TLL1: variants seen among roughly 807,000 people sequenced by gnomAD.
TLL1 encodes tolloid-like protein 1.
In TLL1, 49 loss-of-function variants were observed where a neutral mutation model predicts 128.2. That is an observed-to-expected ratio of 0.38 (90% CI 0.30 to 0.48). The LOEUF is 0.48. Among genes scored for constraint, TLL1 ranks in the 20% least tolerant of loss-of-function variants. The probability of loss-of-function intolerance (pLI) is 0.96; values close to 1 mark genes in which losing one functional copy is unlikely to be tolerated. For synonymous variants in TLL1, 454 were observed against 418.8 expected (o/e 1.08, Z -1.03); for missense variants, 1,123 against 1,242.0 (o/e 0.90, Z 1.44).
intron 9 of TLL1, among the ~76,000 whole-genome samples, chr4:166,027,794 G>T (rs1257914718): frequency 2.0e-5 from 3 of 152,042 alleles, no homozygotes. Context: ...AAATTAAATT[G>T]TTTCATAACA....
In TLL1 at chr4:165,970,677, T is replaced by C. The variant is rs868607392; in HGVS notation, c.170-18704T>C. 8.6e-4 allele frequency among the ~76,000 whole-genome samples: 131 copies of C among 152,220 alleles called. 1 individual carries two copies. The highest frequency in any genetic ancestry group is 3.0e-3 in the African/African-American group (125 of 41,558). ...TCTAAAATAAATAAATAAATTATTA[T>C]TTAGTAATAAATGACACACGATAAT... On this transcript the variant is annotated intron_variant, in intron 1 of 20. Coordinates refer to ENST00000061240, the MANE Select transcript of TLL1 (RefSeq NM_012464.5).
intron 1 of TLL1, among the ~76,000 whole-genome samples, chr4:165,881,515 T>A (rs1730963487): frequency 6.6e-6 from 1 of 152,256 alleles, no homozygotes; most frequent in South Asian, 2.1e-4. Flanking sequence ...CGTTGTGATT[T>A]CTTTGTTGAG....
chr4:165,965,557 G>T (rs892884038), intron 1 of TLL1, among the ~76,000 whole-genome samples: 3 of 152,130 alleles, frequency 2.0e-5, no homozygotes, highest in African/African-American at 7.2e-5. Context: ...TTGAGTCTGA[G>T]AACTAGAAAA....
intron 1 of TLL1, among the ~76,000 whole-genome samples, chr4:165,928,086 T>C (rs564033817): frequency 4.6e-5 from 7 of 152,316 alleles, no homozygotes; most frequent in Admixed American, 3.9e-4. Context: ...AGCCATGCAT[T>C]GTAACTGTAT....
intron 16 of TLL1, among the ~76,000 whole-genome samples, chr4:166,072,390 CT>C (rs1740834614): frequency 6.6e-6 from 1 of 151,854 alleles, no homozygotes; most frequent in African/African-American, 2.4e-5. Flanking sequence ...TTTCCTTCCT[CT>C]TCTTTCTTTT....
intron 9 of TLL1, among the ~76,000 whole-genome samples, chr4:166,035,642 A>G (rs1176389213): frequency 1.3e-5 from 2 of 152,036 alleles, no homozygotes. Context: ...TTTTTTTCCT[A>G]TAACATGATA....
intron 16 of TLL1, 26 bp downstream of exon 16, chr4:166,065,889 G>A (rs1411380681): frequency 1.4e-6 from 2 of 1,424,046 alleles, no homozygotes; most frequent in South Asian, 1.2e-5. Context: ...TGTTGTATGT[G>A]TATATTACAG....
chr4:166,095,776 T>C (rs1741988990), intron 19 of TLL1, among the ~76,000 whole-genome samples: 1 of 152,126 alleles, frequency 6.6e-6, no homozygotes, highest in African/African-American at 2.4e-5. Context: ...ACCTTTCTTA[T>C]TCAGCTTCAT....
At chr4:166,029,282 G>C (rs1051346487) in intron 9 of TLL1, among the ~76,000 whole-genome samples, 4 of 151,656 alleles carry the variant, frequency 2.6e-5, no homozygotes, top group African/African-American at 9.7e-5. Flanking sequence ...TGTATCTTTA[G>C]CCTCTTCCCA....
chr4:166,035,291 A>G (rs1738949675), intron 9 of TLL1, among the ~76,000 whole-genome samples: 1 of 152,192 alleles, frequency 6.6e-6, no homozygotes, highest in Non-Finnish European at 1.5e-5. Context: ...TTCAGAGCAT[A>G]GATGGAATAA....
intron 1 of TLL1, among the ~76,000 whole-genome samples, chr4:165,987,125 G>T (rs1736425235): frequency 6.6e-6 from 1 of 152,010 alleles, no homozygotes; most frequent in African/African-American, 2.4e-5. Context: ...ATTAAAGTTA[G>T]TGAAGCACTG....
chr4:166,091,529 T>C lies in TLL1; in HGVS notation c.2656+188T>C, dbSNP rs2256104. Among the ~76,000 whole-genome samples, 138,717 of 152,116 alleles carry C rather than the reference T, an allele frequency of 0.91. 63,836 individuals carry two copies. The highest frequency in any genetic ancestry group is 1 in the East Asian group (5,154 of 5,170). On this transcript the variant is annotated intron_variant, in intron 19 of 20. Coordinates refer to ENST00000061240, the MANE Select transcript of TLL1 (RefSeq NM_012464.5). Reference sequence around the variant, plus strand: ...CCTAAAGATCTTTGCAGTTGTTGAGTTTTAGGAAAACCCTAGTTTCTGTCT... The same window carrying C: ...CCTAAAGATCTTTGCAGTTGTTGAGCTTTAGGAAAACCCTAGTTTCTGTCT...
intron 1 of TLL1, 38 bp downstream of exon 1, chr4:165,874,111 G>T (rs754540344): frequency 2.5e-6 from 4 of 1,613,158 alleles, no homozygotes; most frequent in Non-Finnish European, 3.4e-6. Context: ...GGCGCGCCGG[G>T]GGCCGCTGCG....
intron 18 of TLL1, among the ~76,000 whole-genome samples, chr4:166,078,615 G>T (rs1456326646): frequency 1.3e-5 from 2 of 152,034 alleles, no homozygotes; most frequent in Non-Finnish European, 2.9e-5. Flanking sequence ...TGCATTCTTT[G>T]CATTCTGCAT....
intron 1 of TLL1, among the ~76,000 whole-genome samples, chr4:165,966,053 C>A (rs1735353365): frequency 6.6e-6 from 1 of 151,886 alleles, no homozygotes; most frequent in Non-Finnish European, 1.5e-5. Context: ...GTGGTGGGCG[C>A]CTGTAATCCC....
At chr4:166,015,551 C>G (rs1429234245) in intron 8 of TLL1, among the ~76,000 whole-genome samples, 3 of 151,660 alleles carry the variant, frequency 2.0e-5, no homozygotes, top group Non-Finnish European at 4.4e-5. Context: ...GGTGTCAGTC[C>G]AGGGAACTTT....
intron 15 of TLL1, among the ~76,000 whole-genome samples, chr4:166,065,077 G>T (rs1365718703): frequency 6.6e-6 from 1 of 151,988 alleles, no homozygotes; most frequent in Non-Finnish European, 1.5e-5. Flanking sequence ...TTCCATTTTA[G>T]TGTTGTTAGT....
intron 18 of TLL1, among the ~76,000 whole-genome samples, chr4:166,079,857 A>C (rs1020732017): frequency 6.6e-6 from 1 of 152,108 alleles, no homozygotes; most frequent in Non-Finnish European, 1.5e-5. Context: ...TTCTGAGTTT[A>C]AGTTTCAGTA....
intron 1 of TLL1, among the ~76,000 whole-genome samples, chr4:165,983,201 T>C (rs1465659611): frequency 6.6e-6 from 1 of 151,880 alleles, no homozygotes; most frequent in Non-Finnish European, 1.5e-5. Context: ...ATATTTGTGG[T>C]ATGGATGATA....
Sources: gnomAD v4.1 joint callset for allele counts (sites outside exome capture counted in the v4.1 genomes callset) on GRCh38, gnomAD v4.1.1 for gene constraint, MANE v1.5 for transcripts, NCBI Gene and HGNC (gene_info 2026-07-23, HGNC 2026-07-21) for gene names.